The following OR2C3 variants were observed in gnomAD, a reference collection of about 807,000 sequenced individuals.
The protein encoded by OR2C3 is olfactory receptor family 2 subfamily C member 3.
For missense variants in OR2C3, 425 were observed against 401.5 expected (o/e 1.06, Z -0.50); for synonymous variants, 178 against 163.4 (o/e 1.09, Z -0.68).
rs752389595 is a variant in OR2C3, at chr1:247,532,179, G to A, written c.333C>T (p.Thr111=). Residue 111 remains threonine, a synonymous_variant, in exon 3 of 3, where the codon ACC becomes ACT. Transcript: ENST00000641802. ...ACATGGTGGCCAGCAGGACACACTC[G>A]GTTGCCCCCAGCCAATGGGAGATAT... ...QFYISHWLGA[T]ECVLLATMSY... is the part of the protein sequence containing the mutation. 3.1e-6 allele frequency: 5 copies of A among 1,614,066 alleles called. No homozygotes were observed. The highest frequency in any genetic ancestry group is 4.2e-6 in the Non-Finnish European group (5 of 1,180,004).
rs765626523 is a variant in OR2C3 at position 247,531,544 on chromosome 1, A to G, written c.*5T>C. On this transcript the variant is annotated 3_prime_UTR_variant, in exon 3 of 3. Coordinates refer to ENST00000641802, the MANE Select transcript of OR2C3 (RefSeq NM_198074.6). ...GATCTTCCTTCTCAGAAGGCACTGG[A>G]GTCTCTAAATTTGCGCCAGCTTGCC... 1.1e-5 allele frequency: 17 copies of G among 1,612,068 alleles called. No individual in the cohort carries two copies. The highest frequency in any genetic ancestry group is 1.4e-5 in the Non-Finnish European group (17 of 1,178,714).
At position 247,532,087 on chromosome 1, in the gene OR2C3, C is replaced by G. The variant is rs202146575; in HGVS notation, c.425G>C (p.Cys142Ser). 124 of 1,613,942 alleles carry G rather than the reference C, an allele frequency of 7.7e-5. No homozygotes were observed. Among genetic ancestry groups the G allele is most frequent in the Middle Eastern group, 3.3e-4 (2 of 6,084 alleles). ...CCAGGAGGCCAAAGCTAGCCCAAGGCAAAGCTGTGGATGCATAATGACAGT... is the reference window on the plus strand; with the variant it reads ...CCAGGAGGCCAAAGCTAGCCCAAGGGAAAGCTGTGGATGCATAATGACAGT... ...HYTVIMHPQL[C>S]LGLALASWLG... is the part of the protein sequence containing the mutation. The change falls in exon 3 of 3, where the codon TGC becomes TCC. Residue 142 changes from cysteine (C) to serine (S), a missense_variant. Physicochemically the swap from Cys to Ser is moderately radical, Grantham distance 112 (BLOSUM62 -1). Transcript: ENST00000641802.
In OR2C3 at chr1:247,536,423, G is replaced by A. The variant is rs1165937628; in HGVS notation, c.-657C>T. 6.6e-6 allele frequency: 1 copy of A among 152,194 alleles called. No individual in the cohort carries two copies. Among genetic ancestry groups the A allele is most frequent in the African/African-American group, 2.4e-5 (1 of 41,442 alleles). 9.4% of individuals were successfully genotyped at this position (152,194 alleles called of 1,614,324 possible). ...TAAGTATTTAAATCACAATGGGATTGAACTAGCAGAAAGCACTTAAAATAC... is the reference window on the plus strand; with the variant it reads ...TAAGTATTTAAATCACAATGGGATTAAACTAGCAGAAAGCACTTAAAATAC... On this transcript the variant is annotated 5_prime_UTR_variant, in exon 1 of 3. Coordinates refer to ENST00000641802, the MANE Select transcript of OR2C3 (RefSeq NM_198074.6).
Position 247,531,634 on chromosome 1 carries a change from A to G in OR2C3, c.878T>C (p.Leu293Pro). 2.5e-6 allele frequency: 4 copies of G among 1,614,182 alleles called. No homozygotes were observed. The highest frequency in any genetic ancestry group is 3.4e-6 in the Non-Finnish European group (4 of 1,180,034). ...GGCGCTCTTCACCTCCGTGTTCCTC[A>G]GGGTGTAAATAAGTGGGTTCAGCGC... ...TPALNPLIYT[L>P]RNTEVKSALR... The change falls in exon 3 of 3, where the codon CTG (leucine) becomes CCG (proline). Residue 293 changes from leucine (L) to proline (P), a missense_variant. Leu to Pro is a moderately conservative substitution (Grantham distance 98). Transcript: ENST00000641802.
At chr1:247,532,673 G>T in intron 2 of OR2C3, 133 bp from the exon 3 acceptor site, 1 of 705,396 alleles carries the variant, frequency 1.4e-6, no homozygotes, top group Non-Finnish European at 2.3e-6. Context: ...TGTTGCCCGG[G>T]CTAACTTCAA....
In OR2C3 at chr1:247,532,395, C is replaced by T. The variant is rs768345247; in HGVS notation, c.117G>A (p.Ser39=). 1.9e-5 allele frequency: 30 copies of T among 1,614,072 alleles called. 2 individuals are homozygous for T. Among genetic ancestry groups the T allele is most frequent in the South Asian group, 1.8e-4 (16 of 91,064 alleles). ...FIVVLSFYMV[S]ILGNGIIILV... ...GAATGATGATGCCATTGCCCAAGATCGATACCATGTAAAAACTCAAGACAA... is the reference window on the plus strand; with the variant it reads ...GAATGATGATGCCATTGCCCAAGATTGATACCATGTAAAAACTCAAGACAA... Residue 39 remains serine (S), a synonymous_variant, in exon 3 of 3, where the codon TCG becomes TCA. Coordinates refer to ENST00000641802, the MANE Select transcript of OR2C3 (RefSeq NM_198074.6).
chr1:247,526,672 G>T lies in OR2C3; in HGVS notation c.*4877C>A. The T allele has an allele frequency of 3.0e-6, 1 of 334,570 alleles. No individual in the cohort carries two copies. Among genetic ancestry groups the T allele is most frequent in the Non-Finnish European group, 5.8e-6 (1 of 172,672 alleles). The allele number at this position is 334,570 out of a possible 1,614,324, so 20.7% of individuals were successfully genotyped here. On this transcript the variant is annotated 3_prime_UTR_variant, in exon 3 of 3. Coordinates refer to ENST00000641802, the MANE Select transcript of OR2C3 (RefSeq NM_198074.6). This position sits in a 1 kb window ranked among gnomAD's most constrained non-coding sequence, Gnocchi z 4.8. ...GCATGGGAGGAAACCCATACATGAA[G>T]TAGAGGGTTCACAGAGCAGGTTTGG... is the stretch of plus-strand genomic sequence containing the variant.
At position 247,528,205 on chromosome 1, in the gene OR2C3, C is replaced by A. The variant is rs1666760354; in HGVS notation, c.*3344G>T. ...ACTTCCCCTTCCCCCACCCCCAAGC[C>A]CCCAAAATTGTATAATTATTTTTTA... On this transcript the variant is annotated 3_prime_UTR_variant, in exon 3 of 3. Coordinates refer to ENST00000641802, the MANE Select transcript of OR2C3 (RefSeq NM_198074.6). 6.6e-6 allele frequency: 1 copy of A among 151,986 alleles called. No homozygotes were observed. The highest frequency in any genetic ancestry group is 6.6e-5 in the Admixed American group (1 of 15,262). 9.4% of individuals were successfully genotyped at this position (151,986 alleles called of 1,614,324 possible). A position where few individuals can be genotyped will look rare whatever the true frequency, so the allele number is the denominator to read the frequency against.
Position 247,529,176 on chromosome 1 carries a change from A to G in OR2C3, c.*2373T>C, listed in dbSNP as rs771635570. ...AAGCAATGTTAGTCTTTATAGGGAC[A>G]GAATAATATTGTGGGGACAGTTTTG... On this transcript the variant is annotated 3_prime_UTR_variant, in exon 3 of 3. Transcript: ENST00000641802. The G allele has an allele frequency of 3.3e-5, 5 of 152,250 alleles. No homozygotes were observed. The highest frequency in any genetic ancestry group is 5.9e-5 in the Non-Finnish European group (4 of 68,054). 9.4% of individuals were successfully genotyped at this position (152,250 alleles called of 1,614,324 possible).
intron 1 of OR2C3, among the ~76,000 whole-genome samples, chr1:247,534,535 T>C (rs1024243561): frequency 1.6e-4 from 25 of 152,348 alleles, no homozygotes; most frequent in African/African-American, 6.0e-4. Flanking sequence ...GCAGGGGCAG[T>C]GCATAAAGTC....
rs1006301665 is a variant in OR2C3, at chr1:247,530,484, C to T, written c.*1065G>A. ...GCTCTCTGCACCTCCCTTTTCCCCTCCTTCCCTGAACCAGTCCACAAACAC... is the reference window on the plus strand; with the variant it reads ...GCTCTCTGCACCTCCCTTTTCCCCTTCTTCCCTGAACCAGTCCACAAACAC... On this transcript the variant is annotated 3_prime_UTR_variant, in exon 3 of 3. Transcript: ENST00000641802. The T allele has an allele frequency of 2.6e-5, 4 of 151,412 alleles. No individual in the cohort carries two copies. Among genetic ancestry groups the T allele is most frequent in the African/African-American group, 9.7e-5 (4 of 41,174 alleles). 9.4% of individuals were successfully genotyped at this position (151,412 alleles called of 1,614,324 possible).
At position 247,527,086 on chromosome 1, in the gene OR2C3, G is replaced by T; in HGVS notation, c.*4463C>A. 2.2e-6 allele frequency: 1 copy of T among 456,392 alleles called. No individual in the cohort carries two copies. Among genetic ancestry groups the T allele is most frequent in the South Asian group, 1.6e-5 (1 of 64,470 alleles). 28.3% of individuals were successfully genotyped at this position (456,392 alleles called of 1,614,324 possible). ...ATCACATTTCAAGTGTATTTCCTTGGGTTCTGGAGAGGATGTCTTCATTTT... is the reference window on the plus strand; with the variant it reads ...ATCACATTTCAAGTGTATTTCCTTGTGTTCTGGAGAGGATGTCTTCATTTT... On this transcript the variant is annotated 3_prime_UTR_variant, in exon 3 of 3. Coordinates refer to ENST00000641802, the MANE Select transcript of OR2C3 (RefSeq NM_198074.6). This position sits in a 1 kb window ranked among gnomAD's most constrained non-coding sequence, Gnocchi z 4.6.
In OR2C3 at chr1:247,532,406, A is replaced by C. The variant is rs1667019869; in HGVS notation, c.106T>G (p.Tyr36Asp). 3 of 1,614,028 alleles carry C rather than the reference A, an allele frequency of 1.9e-6. No homozygotes were observed. The highest frequency in any genetic ancestry group is 1.7e-6 in the Non-Finnish European group (2 of 1,180,008). Residue 36 changes from tyrosine to aspartate, a missense_variant, in exon 3 of 3, where the codon TAC becomes GAC. Transcript: ENST00000641802. The part of the protein sequence containing the change: ...TVLFIVVLSF[Y>D]MVSILGNGII... Reference sequence around the variant, plus strand: ...CCATTGCCCAAGATCGATACCATGTAAAAACTCAAGACAACTATGAAGAGG... The same window carrying C: ...CCATTGCCCAAGATCGATACCATGTCAAAACTCAAGACAACTATGAAGAGG...
rs746952956 is a variant in OR2C3, at chr1:247,531,649, G to C, written c.863C>G (p.Pro288Arg). The C allele has an allele frequency of 6.2e-7, 1 of 1,614,122 alleles. No homozygotes were observed. The highest frequency in any genetic ancestry group is 2.2e-5 in the East Asian group (1 of 44,864). ...FYTVVTPALN[P>R]LIYTLRNTEV... is the part of the protein sequence containing the mutation. ...CGTGTTCCTCAGGGTGTAAATAAGT[G>C]GGTTCAGCGCAGGAGTGACTACGGT... The change falls in exon 3 of 3, where the codon CCA (proline) becomes CGA (arginine). Residue 288 changes from proline (P) to arginine (R), a missense_variant. Pro to Arg is a moderately radical substitution (Grantham distance 103). Transcript: ENST00000641802.
chr1:247,532,409 A>G lies in OR2C3; in HGVS notation c.103T>C (p.Phe35Leu), dbSNP rs1667020131. 2 of 1,613,982 alleles carry G rather than the reference A, an allele frequency of 1.2e-6. No homozygotes were observed. The highest frequency in any genetic ancestry group is 2.7e-5 in the African/African-American group (2 of 74,884). The part of the protein sequence containing the change: ...ETVLFIVVLS[F>L]YMVSILGNGI... The stretch of plus-strand genomic sequence containing the variant: ...TTGCCCAAGATCGATACCATGTAAA[A>G]ACTCAAGACAACTATGAAGAGGACA... The change falls in exon 3 of 3, where the codon TTT (phenylalanine) becomes CTT (leucine). Residue 35 changes from phenylalanine to leucine, a missense_variant. Physicochemically the swap from Phe to Leu is conservative, Grantham distance 22 (BLOSUM62 0). Transcript: ENST00000641802.
At position 247,531,753 on chromosome 1, in the gene OR2C3, G is replaced by A. The variant is rs529863004; in HGVS notation, c.759C>T (p.Tyr253=). The part of the protein sequence containing the change: ...SSHVAVVSLF[Y]GSIIFMYLQP... The stretch of plus-strand genomic sequence containing the variant: ...GGAGATACATGAAGATGATGCTCCC[G>A]TAAAACAGAGACACCACAGCCACGT... The change falls in exon 3 of 3, where the codon TAC becomes TAT. Residue 253 remains tyrosine (Y), a synonymous_variant. Coordinates refer to ENST00000641802, the MANE Select transcript of OR2C3 (RefSeq NM_198074.6). 9.3e-6 allele frequency: 15 copies of A among 1,614,178 alleles called. No homozygotes were observed. The African/African-American group carries it at 1.2e-4, about 13-fold the overall frequency.
In OR2C3 at chr1:247,526,351, C is replaced by G. The variant is rs1171020062; in HGVS notation, c.*5198G>C. 1 of 152,220 alleles carries G rather than the reference C, an allele frequency of 6.6e-6. No homozygotes were observed. The highest frequency in any genetic ancestry group is 1.5e-5 in the Non-Finnish European group (1 of 68,088). The allele number at this position is 152,220 out of a possible 1,614,324, so 9.4% of individuals were successfully genotyped here. A position where few individuals can be genotyped will look rare whatever the true frequency, so the allele number is the denominator to read the frequency against. On this transcript the variant is annotated 3_prime_UTR_variant, in exon 3 of 3. Transcript: ENST00000641802. The surrounding 1 kb of genome is among the most constrained non-coding windows in gnomAD (Gnocchi z 4.8). ...GTTCTGACAGAAGCTGGAAGATAAA[C>G]TGGTGTGTGAGAAATTACCTTAGTC...
At chr1:247,535,989 G>A (rs1018947606) in intron 1 of OR2C3, among the ~76,000 whole-genome samples, 179 bp downstream of exon 1, 16 of 152,136 alleles carry the variant, frequency 1.1e-4, no homozygotes, top group African/African-American at 3.4e-4. Context: ...AAACTGTATC[G>A]CAGAACATAG....
In OR2C3 at chr1:247,532,272, T is replaced by C; in HGVS notation, c.240A>G (p.Pro80=). ...GTCCCCAGAGGTTAGCCAGGAGCTG[T>C]GGGACAATGCTCGTGGTGAAGCTCA... ...LDMSFTTSIV[P]QLLANLWGPQ... is the part of the protein sequence containing the mutation. Residue 80 remains proline, a synonymous_variant, in exon 3 of 3, where the codon CCA becomes CCG. Coordinates refer to ENST00000641802, the MANE Select transcript of OR2C3 (RefSeq NM_198074.6). 7 of 1,614,180 alleles carry C rather than the reference T, an allele frequency of 4.3e-6. No individual in the cohort carries two copies. In the South Asian group the frequency reaches 6.6e-5, roughly 15 times the overall value.
Sources: gnomAD v4.1 joint callset for allele counts (sites outside exome capture counted in the v4.1 genomes callset) on GRCh38, gnomAD v4.1.1 for gene constraint, Gnocchi (gnomAD v3.1) non-coding constraint, MANE v1.5 for transcripts, NCBI Gene and HGNC (gene_info 2026-07-23, HGNC 2026-07-21) for gene names.